KLF12: variants seen among roughly 807,000 people sequenced by gnomAD.
KLF12 encodes KLF transcription factor 12.
A neutral mutation model predicts 37.8 loss-of-function variants in KLF12; 9 were observed. The ratio of observed to expected loss-of-function variants is 0.24; its 90% CI spans 0.14 to 0.42. The LOEUF (loss-of-function observed/expected upper bound fraction) is 0.42. Ranked by LOEUF, KLF12 falls within the 10% of genes least tolerant of loss-of-function variation. The probability of loss-of-function intolerance (pLI) is 1.00; values close to 1 mark genes in which losing one functional copy is unlikely to be tolerated. For synonymous variants in KLF12, 208 were observed against 202.1 expected (o/e 1.03, Z -0.25); for missense variants, 411 against 516.0 (o/e 0.80, Z 1.97).
chr13:74,225,745 C>T, the KLF12 span, among the ~76,000 whole-genome samples: 1 of 152,056 alleles, frequency 6.6e-6, no homozygotes, highest in Non-Finnish European at 1.5e-5. Flanking sequence ...ACAATGTGCT[C>T]TATGGATATA....
At chr13:74,186,856 A>G in the KLF12 span, among the ~76,000 whole-genome samples, 11 of 152,212 alleles carry the variant, frequency 7.2e-5, no homozygotes, top group African/African-American at 2.2e-4. Flanking sequence ...ATGGGAGGTG[A>G]AAAAACATTT....
At chr13:74,059,163 A>AC (rs1251018663) in intron 1 of KLF12, among the ~76,000 whole-genome samples, 1 of 152,254 alleles carries the variant, frequency 6.6e-6, no homozygotes, top group Admixed American at 6.5e-5. Flanking sequence ...TGTATACACC[A>AC]CATTCTCTTT....
At chr13:73,839,255 G>GTTT (rs201534246) in intron 4 of KLF12, among the ~76,000 whole-genome samples, 1 of 92,468 alleles carries the variant, frequency 1.1e-5, no homozygotes, top group Admixed American at 1.0e-4. Flanking sequence ...ACCATACCTG[G>GTTT]TTATTTTTTT....
At chr13:73,857,494 T>C (rs973094587) in intron 3 of KLF12, among the ~76,000 whole-genome samples, 2 of 152,228 alleles carry the variant, frequency 1.3e-5, no homozygotes, top group African/African-American at 2.4e-5. Context: ...TTTTAACTAA[T>C]ACATTCAAAT....
the KLF12 span, among the ~76,000 whole-genome samples, chr13:74,155,757 T>C: frequency 6.6e-6 from 1 of 152,214 alleles, no homozygotes; most frequent in African/African-American, 2.4e-5. Flanking sequence ...TCCAATTAAA[T>C]CTTCCGCTGG....
chr13:73,839,749 C>T (rs921277330), intron 4 of KLF12, among the ~76,000 whole-genome samples: 1 of 152,096 alleles, frequency 6.6e-6, no homozygotes, highest in African/African-American at 2.4e-5. Flanking sequence ...CTGCATCTTG[C>T]AGTAATTAAT....
At chr13:74,091,789 G>A (rs938273562) in intron 1 of KLF12, among the ~76,000 whole-genome samples, 2 of 152,094 alleles carry the variant, frequency 1.3e-5, no homozygotes, top group African/African-American at 4.8e-5. Context: ...CCAACACCAA[G>A]AGTGAATCCT....
intron 1 of KLF12, among the ~76,000 whole-genome samples, chr13:74,112,981 C>T (rs1877069610): frequency 6.6e-6 from 1 of 152,170 alleles, no homozygotes; most frequent in Admixed American, 6.6e-5. Flanking sequence ...AGCTTTAATG[C>T]TAATGACGGA....
chr13:73,812,365 T>C (rs896377098), intron 5 of KLF12, among the ~76,000 whole-genome samples: 4 of 138,910 alleles, frequency 2.9e-5, no homozygotes, highest in African/African-American at 1.1e-4. Flanking sequence ...TTTCTAGGAG[T>C]GTAGAACTTA....
intron 2 of KLF12, among the ~76,000 whole-genome samples, chr13:73,982,563 CTT>C (rs1490764960): frequency 6.6e-6 from 1 of 152,088 alleles, no homozygotes; most frequent in Non-Finnish European, 1.5e-5. Context: ...AAAAAGAAAT[CTT>C]GTTGCTAGAT....
intron 5 of KLF12, among the ~76,000 whole-genome samples, chr13:73,781,928 G>C (rs1473752592): frequency 6.6e-6 from 1 of 152,158 alleles, no homozygotes; most frequent in Middle Eastern, 3.4e-3. Flanking sequence ...TAAGAAACAA[G>C]GCAATACAAT....
At chr13:73,730,379 T>C (rs1271524170) in intron 6 of KLF12, among the ~76,000 whole-genome samples, 1 of 152,270 alleles carries the variant, frequency 6.6e-6, no homozygotes, top group East Asian at 1.9e-4. Context: ...GGTGGCAGGT[T>C]ATATCCAGGT....
the KLF12 span, among the ~76,000 whole-genome samples, chr13:74,253,266 G>A: frequency 6.6e-6 from 1 of 152,132 alleles, no homozygotes; most frequent in Non-Finnish European, 1.5e-5. Context: ...TGAGATGTTT[G>A]CTAAAAGTAC....
intron 4 of KLF12, among the ~76,000 whole-genome samples, chr13:73,820,295 C>G (rs1345981341): frequency 6.6e-6 from 1 of 152,126 alleles, no homozygotes; most frequent in Admixed American, 6.6e-5. Flanking sequence ...AAACTCAGGA[C>G]TTGGTTACAT....
chr13:73,763,011 G>C (rs1423901390), intron 6 of KLF12, among the ~76,000 whole-genome samples: 1 of 152,134 alleles, frequency 6.6e-6, no homozygotes, highest in East Asian at 1.9e-4. Context: ...ATATCTCCAG[G>C]TCTTTCTATG....
chr13:74,273,473 A>T, the KLF12 span, among the ~76,000 whole-genome samples: 75 of 151,730 alleles, frequency 4.9e-4, 1 homozygote, highest in East Asian at 0.013. Flanking sequence ...GAGCATGTAC[A>T]AATCTTTTTT....
At chr13:73,720,491 G>A (rs948704609) in intron 6 of KLF12, among the ~76,000 whole-genome samples, 19 of 152,098 alleles carry the variant, frequency 1.2e-4, no homozygotes, top group Non-Finnish European at 2.4e-4. Flanking sequence ...CCCAAATCCC[G>A]TACTAAATAT....
intron 5 of KLF12, chr13:73,800,054 T>TA (rs1882203722): frequency 1.3e-5 from 2 of 152,086 alleles, no homozygotes; most frequent in South Asian, 4.1e-4. Flanking sequence ...AAAGACACAA[T>TA]AGCTGATTAT....
chr13:73,913,409 T>C (rs75371494), intron 3 of KLF12, among the ~76,000 whole-genome samples: 1 of 152,320 alleles, frequency 6.6e-6, no homozygotes, highest in East Asian at 1.9e-4. Context: ...GGGTTTGCCA[T>C]AATTTTAACC....
Sources: gnomAD v4.1 joint callset for allele counts (sites outside exome capture counted in the v4.1 genomes callset) on GRCh38, gnomAD v4.1.1 for gene constraint, MANE v1.5 for transcripts, NCBI Gene and HGNC (gene_info 2026-07-23, HGNC 2026-07-21) for gene names.